BYSL: variants seen among roughly 807,000 people sequenced by gnomAD.
BYSL encodes the protein bystin like, also known as bystin.
Under a neutral mutation model 45.4 loss-of-function variants are expected in BYSL, and 21 were observed. That is an observed-to-expected ratio of 0.46 (90% confidence interval 0.33 to 0.67). The LOEUF is 0.67. BYSL is among the 30% of genes least tolerant of loss of function. The probability of loss-of-function intolerance (pLI) is 0.02; values close to 1 mark genes in which losing one functional copy is unlikely to be tolerated. For missense variants in BYSL, 522 were observed against 578.5 expected, an observed-to-expected ratio of 0.90 and a Z score of 1.00; for synonymous variants, 215 against 231.3, an observed-to-expected ratio of 0.93 and a Z score of 0.64.
chr6:41,925,750 G>A (rs780651056), intron 1 of BYSL, among the ~76,000 whole-genome samples: 1 of 151,128 alleles, frequency 6.6e-6, no homozygotes, highest in Non-Finnish European at 1.5e-5. Context: ...GCGCGATCTC[G>A]GCTCACCTCA....
In BYSL at chr6:41,921,678, G is replaced by T. The variant is rs1178959083; in HGVS notation, c.116G>T (p.Gly39Val). ...VRAGVREKRRGRGTGEAEEEY... is the reference protein window; with the variant it reads ...VRAGVREKRRVRGTGEAEEEY... ...GCGGGGGTCCGGGAGAAGCGGCGGG[G>T]TCGCGGGACAGGAGAAGCGGAGGAA... is the stretch of plus-strand genomic sequence containing the variant. The change falls in exon 1 of 7, where the codon GGT (glycine) becomes GTT (valine). Residue 39 changes from glycine (G) to valine (V), a missense_variant. Physicochemically the swap from Gly to Val is moderately radical, Grantham distance 109. Coordinates refer to ENST00000230340, the MANE Select transcript of BYSL (RefSeq NM_004053.4). 6.2e-7 allele frequency: 1 copy of T among 1,613,322 alleles called. No individual in the cohort carries two copies. The highest frequency in any genetic ancestry group is 8.5e-7 in the Non-Finnish European group (1 of 1,179,748).
intron 1 of BYSL, among the ~76,000 whole-genome samples, chr6:41,925,342 G>A (rs1775548015): frequency 6.6e-6 from 1 of 151,598 alleles, no homozygotes; most frequent in Non-Finnish European, 1.5e-5. Flanking sequence ...AAAAACAGAA[G>A]TTATTTAAAT....
chr6:41,928,832 C>T (rs1176364848), intron 2 of BYSL, among the ~76,000 whole-genome samples: 1 of 152,190 alleles, frequency 6.6e-6, no homozygotes, highest in Non-Finnish European at 1.5e-5. Context: ...CCCATGTCTG[C>T]ATAAGTTTCC....
upstream of BYSL, among the ~76,000 whole-genome samples, chr6:41,919,687 T>C (rs1775408900): frequency 6.6e-6 from 1 of 152,134 alleles, no homozygotes; most frequent in Non-Finnish European, 1.5e-5. Flanking sequence ...GCCAATACTT[T>C]GGGAGACCAA....
At chr6:41,929,060 C>T (rs1054656029) in intron 2 of BYSL, among the ~76,000 whole-genome samples, 14 of 152,160 alleles carry the variant, frequency 9.2e-5, no homozygotes, top group African/African-American at 3.4e-4. Context: ...TACCACCACG[C>T]CTGGCTAATT....
At chr6:41,915,048 T>C in the BYSL span, among the ~76,000 whole-genome samples, 1 of 152,240 alleles carries the variant, frequency 6.6e-6, no homozygotes, top group Non-Finnish European at 1.5e-5. Flanking sequence ...TCTGGAACTC[T>C]AACAAGTATC....
chr6:41,921,014 C>T, upstream of BYSL: 3 of 1,613,274 alleles, frequency 1.9e-6, no homozygotes, highest in Non-Finnish European at 2.5e-6. Flanking sequence ...CCAAGTCACT[C>T]CCATGGCGTC....
the BYSL span, among the ~76,000 whole-genome samples, chr6:41,909,862 G>A: frequency 3.6e-4 from 55 of 152,270 alleles, no homozygotes; most frequent in African/African-American, 1.3e-3. Context: ...CAGACTTTAC[G>A]TATAATCTTT....
chr6:41,930,901 C>A, intron 4 of BYSL, 133 bp downstream of exon 4: 1 of 1,264,500 alleles, frequency 7.9e-7, no homozygotes, highest in Non-Finnish European at 1.0e-6. Context: ...TACTTTATAG[C>A]ATCATTTTTC....
Position 41,927,527 on chromosome 6 carries a change from C to T in BYSL, c.422C>T (p.Pro141Leu). ...ATAGAGATGTTCATGAACAAGAACC[C>T]TCCTGCCAGGTAGGCCTGGGGATTT... ...RAIEMFMNKN[P>L]PARRTLADII... The change falls in exon 2 of 7, where the codon CCT becomes CTT. Residue 141 changes from proline to leucine, a missense_variant. By Grantham distance (98) the Pro-to-Leu change is moderately conservative (BLOSUM62 -3). Coordinates refer to ENST00000230340, the MANE Select transcript of BYSL (RefSeq NM_004053.4). The T allele has an allele frequency of 6.2e-7, 1 of 1,613,836 alleles. No homozygotes were observed. The highest frequency in any genetic ancestry group is 8.5e-7 in the Non-Finnish European group (1 of 1,179,824).
chr6:41,917,125 G>A (rs990065884), upstream of BYSL, among the ~76,000 whole-genome samples: 10 of 152,238 alleles, frequency 6.6e-5, no homozygotes, highest in Admixed American at 3.3e-4. Flanking sequence ...TTTTTGGCCA[G>A]GCGTGGTGGC....
At chr6:41,918,781 A>G (rs1418984309), upstream of BYSL, among the ~76,000 whole-genome samples, 1 of 150,056 alleles carries the variant, frequency 6.7e-6, no homozygotes, top group African/African-American at 2.5e-5. Context: ...CCCCGTCTCT[A>G]CTAAAAATAC....
upstream of BYSL, chr6:41,921,466 G>A (rs957937648): frequency 7.6e-6 from 11 of 1,451,604 alleles, no homozygotes; most frequent in Admixed American, 2.7e-5. Context: ...GTGATCGCCG[G>A]GCGGCCTCTT....
At position 41,921,614 on chromosome 6, in the gene BYSL, C is replaced by T; in HGVS notation, c.52C>T (p.Pro18Ser). ...RGVGGQEKHA[P>S]LADQILAGNA... Reference sequence around the variant, plus strand: ...GGTGGGGGGTCAGGAAAAACATGCGCCCCTGGCCGATCAGATCCTGGCTGG... The same window carrying T: ...GGTGGGGGGTCAGGAAAAACATGCGTCCCTGGCCGATCAGATCCTGGCTGG... The change falls in exon 1 of 7, where the codon CCC becomes TCC. Residue 18 changes from proline (P) to serine (S), a missense_variant. By Grantham distance (74) the Pro-to-Ser change is moderately conservative (BLOSUM62 -1). Transcript: ENST00000230340. 6.2e-7 allele frequency: 1 copy of T among 1,611,542 alleles called. No homozygotes were observed. The highest frequency in any genetic ancestry group is 8.5e-7 in the Non-Finnish European group (1 of 1,178,530).
chr6:41,930,715 C>G lies in BYSL; in HGVS notation c.651C>G (p.Leu217=). 4 of 1,614,118 alleles carry G rather than the reference C, an allele frequency of 2.5e-6. No individual in the cohort carries two copies. Among genetic ancestry groups the G allele is most frequent in the Non-Finnish European group, 3.4e-6 (4 of 1,179,972 alleles). ...CACTCTCCAACTGGGAGCAAATCCT[C>G]TACGTCACAGAGCCGGAGGCCTGGA... The part of the protein sequence containing the change: ...IPALSNWEQI[L]YVTEPEAWTA... The change falls in exon 4 of 7, where the codon CTC becomes CTG. Residue 217 remains leucine, a synonymous_variant. Transcript: ENST00000230340.
the BYSL span, among the ~76,000 whole-genome samples, chr6:41,915,458 A>G: frequency 1.3e-5 from 2 of 152,240 alleles, no homozygotes; most frequent in Admixed American, 1.3e-4. Flanking sequence ...ACACCAAAGC[A>G]CTTCAGCCTG....
chr6:41,909,892 C>T, the BYSL span, among the ~76,000 whole-genome samples: 16 of 152,302 alleles, frequency 1.1e-4, no homozygotes, highest in African/African-American at 3.4e-4. Context: ...TCATATATTA[C>T]ATAAGTAAAA....
upstream of BYSL, chr6:41,920,773 AAAAAC>A (rs1297318632): frequency 2.9e-5 from 14 of 477,558 alleles, no homozygotes; most frequent in East Asian, 7.2e-5. Context: ...CCGTCTTAAA[AAAAAC>A]AAAACAAAAC....
At chr6:41,911,883 C>T in the BYSL span, among the ~76,000 whole-genome samples, 2 of 152,116 alleles carry the variant, frequency 1.3e-5, no homozygotes, top group South Asian at 2.1e-4. Flanking sequence ...AAGCCGACCT[C>T]GTCATTCTGT....
Sources: allele counts gnomAD v4.1 joint callset (sites outside exome capture counted in the v4.1 genomes callset), GRCh38; gene constraint gnomAD v4.1.1; transcripts MANE v1.5; gene names NCBI Gene and HGNC (gene_info 2026-07-23, HGNC 2026-07-21).